Variants in PUM2 observed in about 807,000 individuals in gnomAD.
The protein encoded by PUM2 is pumilio homolog 2.
PUM2 carries 57 observed loss-of-function variants against 124.5 expected under a neutral mutation model. That is an observed-to-expected ratio of 0.46 (90% CI 0.37 to 0.57). PUM2 has a LOEUF of 0.57. PUM2 is among the 20% of genes least tolerant of loss of function. The pLI is 0.00. For missense variants in PUM2, 1,065 were observed against 1,290.6 expected, an observed-to-expected ratio of 0.83 and a Z score of 2.68; for synonymous variants, 460 against 446.1, an observed-to-expected ratio of 1.03 and a Z score of -0.39.
Position 20,283,042 on chromosome 2 carries a change from C to A in PUM2, c.1625G>T (p.Gly542Val). The A allele has an allele frequency of 2.5e-6, 4 of 1,614,048 alleles. No homozygotes were observed. The highest frequency in any genetic ancestry group is 3.4e-6 in the Non-Finnish European group (4 of 1,179,996). ...SSQSSSLFSHGPGQPGSTSLG... is the reference protein window; with the variant it reads ...SSQSSSLFSHVPGQPGSTSLG... ...AGATGTACTTCCAGGTTGACCAGGT[C>A]CATGAGAAAATAAAGAACTACTCTG... Residue 542 changes from glycine (G) to valine (V), a missense_variant, in exon 12 of 21, where the codon GGA (glycine) becomes GTA (valine). By Grantham distance (109) the Gly-to-Val change is moderately radical. Coordinates refer to ENST00000361078, the MANE Select transcript of PUM2 (RefSeq NM_015317.5).
rs1680914729 is a variant in PUM2, at chr2:20,316,268, T to TAAAAGGTTAGCTAAAA, written c.160+2268_160+2269insTTTTAGCTAACCTTTT. ...TTGAAATCACCAACATTTTCCAGACTTCCTAACCTTTTAGATTTTAGCTTT... is the reference window on the plus strand; with the variant it reads ...TTGAAATCACCAACATTTTCCAGACTAAAAGGTTAGCTAAAATCCTAACCTTTTAGATTTTAGCTTT... On this transcript the variant is annotated intron_variant, in intron 3 of 20. Transcript: ENST00000361078. 5.3e-5 allele frequency among the ~76,000 whole-genome samples: 8 copies of TAAAAGGTTAGCTAAAA among 152,314 alleles called. No individual in the cohort carries two copies. The South Asian group carries it at 1.7e-3, about 32-fold the overall frequency.
chr2:20,286,628 TTTTG>T (rs1469291406), intron 10 of PUM2, among the ~76,000 whole-genome samples: 2 of 152,320 alleles, frequency 1.3e-5, no homozygotes, highest in South Asian at 2.1e-4. Context: ...GGGATAATTA[TTTTG>T]TTTATTACTT....
chr2:20,347,424 T>C (rs1165590378), intron 1 of PUM2, among the ~76,000 whole-genome samples: 1 of 152,134 alleles, frequency 6.6e-6, no homozygotes, highest in Non-Finnish European at 1.5e-5. Flanking sequence ...TAATGCTACA[T>C]GAAACTCAAA....
intron 20 of PUM2, 116 bp downstream of exon 20, chr2:20,253,706 G>T: frequency 2.1e-6 from 2 of 969,382 alleles, no homozygotes; most frequent in South Asian, 2.2e-5. Context: ...GATATCCATC[G>T]ATTTTAATTT....
intron 2 of PUM2, among the ~76,000 whole-genome samples, chr2:20,321,677 A>G (rs1285564577): frequency 1.3e-5 from 2 of 152,244 alleles, no homozygotes; most frequent in Non-Finnish European, 2.9e-5. Flanking sequence ...GAACAGCAAT[A>G]AAAATAGGAG....
intron 3 of PUM2, among the ~76,000 whole-genome samples, chr2:20,315,424 T>C (rs1047600925): frequency 8.5e-5 from 13 of 152,302 alleles, no homozygotes; most frequent in Non-Finnish European, 1.5e-4. Flanking sequence ...GTGTTATGCA[T>C]ATTTTTATGT....
intron 12 of PUM2, 107 bp downstream of exon 12, chr2:20,282,840 T>C: frequency 8.0e-7 from 1 of 1,248,044 alleles, no homozygotes; most frequent in South Asian, 1.6e-5. Context: ...CAATACTTTA[T>C]TCCTGTCCTT....
intron 10 of PUM2, among the ~76,000 whole-genome samples, chr2:20,288,637 C>G (rs1240108596): frequency 6.6e-6 from 1 of 152,120 alleles, no homozygotes; most frequent in South Asian, 2.1e-4. Flanking sequence ...AAGAATAGAA[C>G]AGTAACTAGG....
chr2:20,322,314 A>G (rs967759951), intron 2 of PUM2, among the ~76,000 whole-genome samples: 2 of 152,152 alleles, frequency 1.3e-5, no homozygotes, highest in South Asian at 4.1e-4. Context: ...TGTAACAGGG[A>G]GCAGAGACTC....
At chr2:20,319,363 T>A (rs1018198809) in intron 2 of PUM2, among the ~76,000 whole-genome samples, 2 of 152,226 alleles carry the variant, frequency 1.3e-5, no homozygotes, top group African/African-American at 4.8e-5. Context: ...GATATGTTTG[T>A]TTGAGAAGAA....
At chr2:20,349,671 T>A (rs1222078979) in intron 1 of PUM2, among the ~76,000 whole-genome samples, 1 of 152,214 alleles carries the variant, frequency 6.6e-6, no homozygotes, top group South Asian at 2.1e-4. Context: ...TTTCTTGACA[T>A]ACAGTACCTT....
chr2:20,293,748 A>T (rs998514841), intron 9 of PUM2, among the ~76,000 whole-genome samples: 1 of 152,020 alleles, frequency 6.6e-6, no homozygotes, highest in Non-Finnish European at 1.5e-5. Flanking sequence ...ATATTAAAGG[A>T]AATTCAGAAT....
intron 1 of PUM2, among the ~76,000 whole-genome samples, chr2:20,336,185 G>GT (rs1015627056): frequency 3.5e-5 from 5 of 143,054 alleles, no homozygotes; most frequent in Admixed American, 1.4e-4. Flanking sequence ...GCGTTTTTTT[G>GT]TTTTTTTGTT....
chr2:20,350,857 C>A (rs1303039503), upstream of PUM2: 1 of 949,466 alleles, frequency 1.1e-6, no homozygotes, highest in African/African-American at 1.8e-5. Flanking sequence ...CCCCCGCCCA[C>A]CGGGCGCGCG....
intron 13 of PUM2, among the ~76,000 whole-genome samples, chr2:20,274,968 A>AAAAAAAAAAAAAAAAAAAAAAAC (rs1669883411): frequency 6.9e-6 from 1 of 145,792 alleles, no homozygotes; most frequent in African/African-American, 2.5e-5. Context: ...AAAAAAAAAA[A>AAAAAAAAAAAAAAAAAAAAAAAC]AAAAAAGATG....
Position 20,318,663 on chromosome 2 carries a change from TAC to T in PUM2, c.52-20_52-19del, listed in dbSNP as rs780077754. The T allele has an allele frequency of 3.2e-6, 5 of 1,538,744 alleles. No homozygotes were observed. Among genetic ancestry groups the T allele is most frequent in the East Asian group, 2.2e-5 (1 of 44,494 alleles). On this transcript the variant is annotated intron_variant, in intron 2 of 20. Transcript: ENST00000361078. ...GGCAAAAGCTATTTGGAGGAAAAAT[TAC>T]AGTTAAATTTTATTCTAATTACAAA...
chr2:20,321,823 A>C (rs1682447177), intron 2 of PUM2, among the ~76,000 whole-genome samples: 1 of 151,970 alleles, frequency 6.6e-6, no homozygotes, highest in South Asian at 2.1e-4. Flanking sequence ...TACTTCACAA[A>C]CTCTAAAAGA....
chr2:20,260,082 T>C (rs1665807225), intron 15 of PUM2, among the ~76,000 whole-genome samples: 1 of 152,222 alleles, frequency 6.6e-6, no homozygotes, highest in South Asian at 2.1e-4. Flanking sequence ...TGTATTATTT[T>C]ACATAGAGAA....
At position 20,250,230 on chromosome 2, in the gene PUM2, C is replaced by G. The variant is rs895524355; in HGVS notation, c.*1355G>C. 2 of 152,514 alleles carry G rather than the reference C, an allele frequency of 1.3e-5. No homozygotes were observed. The highest frequency in any genetic ancestry group is 2.4e-5 in the African/African-American group (1 of 41,428). 9.4% of individuals were successfully genotyped at this position (152,514 alleles called of 1,614,324 possible). On this transcript the variant is annotated 3_prime_UTR_variant, in exon 21 of 21. Coordinates refer to ENST00000361078, the MANE Select transcript of PUM2 (RefSeq NM_015317.5). The stretch of plus-strand genomic sequence containing the variant: ...AACAGTCAACAACTATGTTATAAAA[C>G]AAAATGATCTCACAATAATAAAAAG...
Sources: gnomAD v4.1 joint callset for allele counts (sites outside exome capture counted in the v4.1 genomes callset) on GRCh38, gnomAD v4.1.1 for gene constraint, MANE v1.5 for transcripts, NCBI Gene and HGNC (gene_info 2026-07-23, HGNC 2026-07-21) for gene names.